CDC14A: variants seen among roughly 807,000 people sequenced by gnomAD.
CDC14A encodes the protein dual specificity protein phosphatase CDC14A.
A neutral mutation model predicts 74.4 loss-of-function variants in CDC14A; 53 were observed. The ratio of observed to expected loss-of-function variants is 0.71; its 90% CI spans 0.57 to 0.89. CDC14A has a LOEUF of 0.89. Ranked by LOEUF, CDC14A falls within the 40% of genes least tolerant of loss-of-function variation. CDC14A has a pLI of 0.00. For missense variants in CDC14A, 646 were observed against 713.7 expected, an observed-to-expected ratio of 0.91 and a Z score of 1.08; for synonymous variants, 247 against 258.4, an observed-to-expected ratio of 0.96 and a Z score of 0.43.
intron 11 of CDC14A, among the ~76,000 whole-genome samples, chr1:100,489,660 G>A (rs1670421248): frequency 6.7e-6 from 1 of 149,482 alleles, no homozygotes; most frequent in Non-Finnish European, 1.5e-5. Flanking sequence ...TCATTTTCTT[G>A]CCTTCATGTA....
intron 1 of CDC14A, among the ~76,000 whole-genome samples, chr1:100,347,412 G>A (rs1361748446): frequency 6.6e-6 from 1 of 152,164 alleles, no homozygotes; most frequent in East Asian, 1.9e-4. Context: ...TTGAAAACTG[G>A]AACTAGCTGA....
chr1:100,501,320 A>C (rs1320169087), intron 15 of CDC14A, among the ~76,000 whole-genome samples: 1 of 152,156 alleles, frequency 6.6e-6, no homozygotes, highest in East Asian at 1.9e-4. Flanking sequence ...TTTCAGAAAA[A>C]GTGCTAGAGA....
At chr1:100,455,113 A>G (rs536890486) in intron 7 of CDC14A, among the ~76,000 whole-genome samples, 1 of 152,218 alleles carries the variant, frequency 6.6e-6, no homozygotes, top group South Asian at 2.1e-4. Context: ...GTTTGTTTCC[A>G]TTTCATTTCT....
Position 100,459,101 on chromosome 1 carries a change from G to GCACA in CDC14A, c.608-3527_608-3524dup, listed in dbSNP as rs545033793. Among the ~76,000 whole-genome samples the GCACA allele has an allele frequency of 9.6e-3, 1,377 of 143,730 alleles. 14 individuals carry two copies. The highest frequency in any genetic ancestry group is 0.031 in the South Asian group (142 of 4,528). The allele number at this position is 143,730 out of a possible 152,430, so 94.3% of individuals were successfully genotyped here. A position where few individuals can be genotyped will look rare whatever the true frequency, so the allele number is the denominator to read the frequency against. On this transcript the variant is annotated intron_variant, in intron 8 of 15. Transcript: ENST00000336454. ...CTTCTATTTAAACACACACACACAC[G>GCACA]CACACACACACACACACACACACAC...
intron 4 of CDC14A, among the ~76,000 whole-genome samples, chr1:100,411,578 G>GTTTA (rs139397254): frequency 2.0e-3 from 297 of 152,264 alleles, no homozygotes; most frequent in Non-Finnish European, 3.2e-3. Flanking sequence ...TTTCCTGGAA[G>GTTTA]TTTAGTCAAA....
chr1:100,353,265 G>A (rs949151562), intron 1 of CDC14A, among the ~76,000 whole-genome samples: 2 of 152,230 alleles, frequency 1.3e-5, no homozygotes, highest in African/African-American at 4.8e-5. Context: ...CCGTACTCCG[G>A]CACTCAGCAG....
At chr1:100,500,584 C>T (rs1285817281) in intron 15 of CDC14A, among the ~76,000 whole-genome samples, 2 of 151,610 alleles carry the variant, frequency 1.3e-5, no homozygotes, top group African/African-American at 2.4e-5. Context: ...ATGGTGAAAC[C>T]CCGTCTCTAC....
In CDC14A at chr1:100,465,734, A is replaced by G. The variant is rs187056402; in HGVS notation, c.839-2222A>G. Among the ~76,000 whole-genome samples the G allele has an allele frequency of 2.6e-5, 4 of 152,358 alleles. No individual in the cohort carries two copies. The East Asian group carries it at 7.7e-4, about 29-fold the overall frequency. On this transcript the variant is annotated intron_variant, in intron 9 of 15. Coordinates refer to ENST00000336454, the MANE Select transcript of CDC14A (RefSeq NM_003672.4). ...TGCATTTCACTTTGTGGTTGATAAA[A>G]GAGATGGCTATGAATTCTTGAAATT...
chr1:100,508,990 A>C lies in CDC14A; in HGVS notation c.1756-9261A>C, dbSNP rs1239785894. On this transcript the variant is annotated intron_variant, in intron 15 of 15. Coordinates refer to ENST00000336454, the MANE Select transcript of CDC14A (RefSeq NM_003672.4). This position sits in a 1 kb window ranked among gnomAD's most constrained non-coding sequence, Gnocchi z 4.4. The stretch of plus-strand genomic sequence containing the variant: ...GACATGAAGTAGGTCCAGTCTCTGC[A>C]GCTTGCTGTTTAGTGCCTTTTTCAG... 1.3e-5 allele frequency among the ~76,000 whole-genome samples: 2 copies of C among 152,174 alleles called. No homozygotes were observed. Among genetic ancestry groups the C allele is most frequent in the Admixed American group, 6.5e-5 (1 of 15,284 alleles).
intron 7 of CDC14A, among the ~76,000 whole-genome samples, chr1:100,450,617 A>T (rs1666039133): frequency 1.3e-5 from 2 of 152,320 alleles, no homozygotes; most frequent in African/African-American, 4.8e-5. Flanking sequence ...AGTTTAAGGA[A>T]GCAAAATTAC....
At chr1:100,423,430 C>T (rs1662591129) in intron 4 of CDC14A, among the ~76,000 whole-genome samples, 1 of 152,180 alleles carries the variant, frequency 6.6e-6, no homozygotes, top group Admixed American at 6.5e-5. Flanking sequence ...TGTTTATTTA[C>T]TTTTCAGCAT....
intron 3 of CDC14A, 94 bp downstream of exon 3, chr1:100,377,715 G>T: frequency 1.2e-6 from 1 of 859,170 alleles, no homozygotes; most frequent in South Asian, 1.6e-5. Context: ...CATTTAGTCA[G>T]GTGATCTTGA....
At chr1:100,416,679 GA>G (rs1172812289) in intron 4 of CDC14A, among the ~76,000 whole-genome samples, 1 of 151,636 alleles carries the variant, frequency 6.6e-6, no homozygotes, top group Admixed American at 6.6e-5. Context: ...TGGTGGAAAG[GA>G]AAAAAAACAT....
chr1:100,503,301 A>G (rs1244118149), intron 15 of CDC14A, among the ~76,000 whole-genome samples: 3 of 152,208 alleles, frequency 2.0e-5, no homozygotes, highest in African/African-American at 7.2e-5. Flanking sequence ...GAACTAGGAA[A>G]ATCACTCAAT....
At chr1:100,491,548 C>CTCTCTCTCTA (rs1223420176) in intron 11 of CDC14A, among the ~76,000 whole-genome samples, 99 of 38,742 alleles carry the variant, frequency 2.6e-3, no homozygotes, top group Non-Finnish European at 4.0e-3. Flanking sequence ...CTCTCTCTCT[C>CTCTCTCTCTA]TATATATATA....
rs565280991 is a variant in CDC14A at position 100,407,197 on chromosome 1, A to T, written c.309+16373A>T. On this transcript the variant is annotated intron_variant, in intron 4 of 15. Coordinates refer to ENST00000336454, the MANE Select transcript of CDC14A (RefSeq NM_003672.4). ...GCTATTCAGGCTCTTTTTTGATTCC[A>T]TATGAATTTTAAAATAGTTTTTTTT... 2.0e-5 allele frequency among the ~76,000 whole-genome samples: 3 copies of T among 151,720 alleles called. No individual in the cohort carries two copies. The East Asian group carries it at 5.8e-4, about 29-fold the overall frequency.
intron 4 of CDC14A, among the ~76,000 whole-genome samples, chr1:100,397,696 T>C (rs1658699751): frequency 6.6e-6 from 1 of 152,228 alleles, no homozygotes; most frequent in South Asian, 2.1e-4. Context: ...CAGTTTTTTT[T>C]TCTGTTATGT....
intron 3 of CDC14A, among the ~76,000 whole-genome samples, chr1:100,389,016 A>G (rs374181944): frequency 6.6e-6 from 1 of 151,806 alleles, no homozygotes; most frequent in Admixed American, 6.6e-5. Context: ...CTCTACGAAA[A>G]ATACAAATAT....
chr1:100,347,650 A>T (rs370777958), upstream of CDC14A, among the ~76,000 whole-genome samples: 12 of 152,222 alleles, frequency 7.9e-5, no homozygotes, highest in South Asian at 2.1e-4. Flanking sequence ...AAGCTGCTTA[A>T]AATTATTTTT....
Sources: allele counts gnomAD v4.1 joint callset (sites outside exome capture counted in the v4.1 genomes callset), GRCh38; gene constraint gnomAD v4.1.1; non-coding constraint Gnocchi (gnomAD v3.1); transcripts MANE v1.5; gene names NCBI Gene and HGNC (gene_info 2026-07-23, HGNC 2026-07-21).